The following DZANK1 variants were observed in gnomAD, a reference collection of about 807,000 sequenced individuals.
The protein encoded by DZANK1 is double zinc ribbon and ankyrin repeat domains 1, also known as double zinc ribbon and ankyrin repeat-containing protein 1.
DZANK1 carries 91 observed loss-of-function variants against 94.5 expected under a neutral mutation model. That is an observed-to-expected ratio of 0.96 (90% CI 0.81 to 1.15). DZANK1 has a LOEUF of 1.15. DZANK1 is among the 50% of genes most tolerant of loss of function. DZANK1 has a pLI of 0.00. For synonymous variants in DZANK1, 312 were observed against 325.3 expected (o/e 0.96, Z 0.44); for missense variants, 903 against 916.4 (o/e 0.99, Z 0.19).
chr20:18,428,189 A>G (rs1321539886), intron 9 of DZANK1, among the ~76,000 whole-genome samples: 3 of 150,580 alleles, frequency 2.0e-5, no homozygotes, highest in Non-Finnish European at 4.4e-5. Flanking sequence ...AGTACAACTT[A>G]ATTTTTTTCT....
chr20:18,449,180 G>A (rs1247101722), intron 6 of DZANK1, 111 bp from the exon 7 acceptor site: 2 of 838,120 alleles, frequency 2.4e-6, no homozygotes, highest in Non-Finnish European at 3.8e-6. Flanking sequence ...AATACACATA[G>A]ACATATAAAG....
chr20:18,393,975 CCT>C (rs1238590069), intron 16 of DZANK1, among the ~76,000 whole-genome samples, 164 bp from the exon 17 acceptor site: 5 of 152,142 alleles, frequency 3.3e-5, no homozygotes, highest in Non-Finnish European at 7.4e-5. Flanking sequence ...GAGCCACTCT[CCT>C]GTCCAGGAAC....
intron 13 of DZANK1, among the ~76,000 whole-genome samples, chr20:18,402,689 T>TA (rs2056749734): frequency 6.6e-6 from 1 of 152,240 alleles, no homozygotes; most frequent in Non-Finnish European, 1.5e-5. Flanking sequence ...GTTCCTGCTC[T>TA]AAAACTTTTC....
intron 2 of DZANK1, among the ~76,000 whole-genome samples, chr20:18,460,573 C>T (rs1201299814): frequency 2.6e-5 from 4 of 151,960 alleles, no homozygotes; most frequent in Non-Finnish European, 4.4e-5. Context: ...ACTAAAAATA[C>T]AAAAAATTAG....
exon 9 of DZANK1, chr20:18,433,757 C>T (rs199711988): frequency 5.5e-5 from 89 of 1,613,762 alleles, no homozygotes; most frequent in Non-Finnish European, 7.3e-5. Flanking sequence ...ATTCTGCACA[C>T]AAGCCCATCT....
chr20:18,390,546 T>A, intron 17 of DZANK1, 87 bp from the exon 18 acceptor site: 1 of 1,308,216 alleles, frequency 7.6e-7, no homozygotes, highest in South Asian at 1.2e-5. Flanking sequence ...GAATTCTAAG[T>A]CACAAGGACA....
At chr20:18,444,402 T>A (rs1258519795) in intron 7 of DZANK1, among the ~76,000 whole-genome samples, 1 of 152,218 alleles carries the variant, frequency 6.6e-6, no homozygotes, top group African/African-American at 2.4e-5. Context: ...GACATAGAGC[T>A]GGGAGTCTCA....
chr20:18,435,040 A>G (rs1466841140), intron 8 of DZANK1, among the ~76,000 whole-genome samples: 3 of 152,218 alleles, frequency 2.0e-5, no homozygotes, highest in South Asian at 2.1e-4. Context: ...AACATAAACC[A>G]GAGTAGGCCC....
intron 13 of DZANK1, among the ~76,000 whole-genome samples, chr20:18,401,936 G>A (rs960637069): frequency 6.6e-6 from 1 of 152,176 alleles, no homozygotes; most frequent in Non-Finnish European, 1.5e-5. Context: ...AGGACAGGAG[G>A]GATGTGAGGA....
intron 10 of DZANK1, chr20:18,420,190 C>T: frequency 4.8e-6 from 1 of 206,554 alleles, no homozygotes. Context: ...AAGCTTTATG[C>T]CTCAGATGCT....
In DZANK1 at chr20:18,443,328, T is replaced by C; in HGVS notation, c.747+19A>G. 2 of 1,472,004 alleles carry C rather than the reference T, an allele frequency of 1.4e-6. No individual in the cohort carries two copies. The highest frequency in any genetic ancestry group is 9.3e-7 in the Non-Finnish European group (1 of 1,075,480). 91.2% of individuals were successfully genotyped at this position (1,472,004 alleles called of 1,614,324 possible). A position where few individuals can be genotyped will look rare whatever the true frequency, so the allele number is the denominator to read the frequency against. On this transcript the variant is annotated intron_variant, in intron 8 of 20. Transcript: ENST00000262547. Reference sequence around the variant, plus strand: ...CAGATCAACCAATGAAAGATGTTTTTAAGAATTCTGCTGCTCACCTGAGCT... The same window carrying C: ...CAGATCAACCAATGAAAGATGTTTTCAAGAATTCTGCTGCTCACCTGAGCT...
At chr20:18,419,154 C>G (rs767462044) in intron 10 of DZANK1, among the ~76,000 whole-genome samples, 14 of 150,700 alleles carry the variant, frequency 9.3e-5, no homozygotes, top group Non-Finnish European at 1.8e-4. Context: ...TCCAGCTACT[C>G]GGGAGGGTGA....
intron 19 of DZANK1, among the ~76,000 whole-genome samples, chr20:18,388,139 GGAA>G (rs374442157): frequency 1.1e-4 from 16 of 152,298 alleles, no homozygotes; most frequent in African/African-American, 3.6e-4. Context: ...GCACTGGAAA[GGAA>G]GAAGAGATCC....
At chr20:18,393,255 G>A (rs1479880843) in intron 17 of DZANK1, among the ~76,000 whole-genome samples, 1 of 152,126 alleles carries the variant, frequency 6.6e-6, no homozygotes, top group African/African-American at 2.4e-5. Context: ...CAGCAACACA[G>A]GGGATCTGAA....
chr20:18,443,193 A>G (rs1194130396), intron 8 of DZANK1, among the ~76,000 whole-genome samples, 154 bp downstream of exon 8: 1 of 152,212 alleles, frequency 6.6e-6, no homozygotes, highest in Non-Finnish European at 1.5e-5. Context: ...AAGTTTTTCC[A>G]TGCTTAAGTA....
intron 11 of DZANK1, among the ~76,000 whole-genome samples, 173 bp from the exon 12 acceptor site, chr20:18,414,685 C>T (rs1330184901): frequency 2.0e-5 from 3 of 152,114 alleles, no homozygotes; most frequent in African/African-American, 7.2e-5. Flanking sequence ...CAGGTCAACC[C>T]CTAAAACACT....
At chr20:18,423,507 G>A (rs111882091) in intron 10 of DZANK1, among the ~76,000 whole-genome samples, 4,122 of 152,188 alleles carry the variant, frequency 0.027, 80 homozygotes, top group African/African-American at 0.047. Flanking sequence ...TATAGAATAC[G>A]CAACAATGAC....
chr20:18,443,583 A>G, intron 7 of DZANK1, 119 bp from the exon 8 acceptor site: 1 of 571,426 alleles, frequency 1.8e-6, no homozygotes, highest in Non-Finnish European at 3.1e-6. Context: ...ACTGCTCTCA[A>G]TGGCTATGGA....
At chr20:18,394,604 A>G in intron 15 of DZANK1, 1 of 654,876 alleles carries the variant, frequency 1.5e-6, no homozygotes, top group Non-Finnish European at 2.9e-6. Context: ...CCCTCGTCTC[A>G]CATTGGGACC....
Sources: gnomAD v4.1 joint callset for allele counts (sites outside exome capture counted in the v4.1 genomes callset) on GRCh38, gnomAD v4.1.1 for gene constraint, MANE v1.5 for transcripts, NCBI Gene and HGNC (gene_info 2026-07-23, HGNC 2026-07-21) for gene names.